Variants in CYFIP1 observed in about 807,000 individuals in gnomAD.
CYFIP1 encodes cytoplasmic FMR1-interacting protein 1.
CYFIP1 carries 58 observed loss-of-function variants against 163.5 expected under a neutral mutation model. The ratio of observed to expected loss-of-function variants is 0.35; its 90% CI spans 0.29 to 0.44. CYFIP1 has a LOEUF of 0.44. CYFIP1 is among the 20% of genes least tolerant of loss of function. The pLI is 1.00. For missense variants in CYFIP1, 1,338 were observed against 1,653.8 expected, an observed-to-expected ratio of 0.81 and a Z score of 3.31; for synonymous variants, 663 against 660.7, an observed-to-expected ratio of 1.00 and a Z score of -0.05.
At position 22,885,788 on chromosome 15, in the gene CYFIP1, T is replaced by G. The variant is rs2059911422; in HGVS notation, c.2677-2777A>C. On this transcript the variant is annotated intron_variant, in intron 23 of 30. Coordinates refer to ENST00000617928, the MANE Select transcript of CYFIP1 (RefSeq NM_014608.6). ...AACAAGTCTCTAGAGAGTTCCAAAC[T>G]TTCCCACATCTTCCCGCCTTCTTTG... Among the ~76,000 whole-genome samples, 2 of 152,108 alleles carry G rather than the reference T, an allele frequency of 1.3e-5. 1 individual carries two copies. Among genetic ancestry groups the G allele is most frequent in the Admixed American group, 1.3e-4 (2 of 15,246 alleles).
At chr15:22,916,392 G>T in intron 16 of CYFIP1, 85 bp downstream of exon 16, 2 of 1,006,266 alleles carry the variant, frequency 2.0e-6, no homozygotes, top group Non-Finnish European at 3.0e-6. Flanking sequence ...GGGGTAGGGG[G>T]TGGTCAGGCG....
intron 8 of CYFIP1, among the ~76,000 whole-genome samples, chr15:22,937,692 A>G (rs530510514): frequency 6.8e-6 from 1 of 147,564 alleles, no homozygotes; most frequent in Non-Finnish European, 1.5e-5. Flanking sequence ...TCTGCCTCCC[A>G]GGTTCAAGCG....
rs1444660193 is a variant in CYFIP1, at chr15:22,927,041, A to C, written c.1233+865T>G. 9.9e-5 allele frequency among the ~76,000 whole-genome samples: 15 copies of C among 151,540 alleles called. No individual in the cohort carries two copies. The Admixed American group carries it at 1.0e-3, about 10-fold the overall frequency. ...TTTAAAGCAAAATAAAATTTAAATG[A>C]AAAAATGAGACTTGGCCAGGTACAG... On this transcript the variant is annotated intron_variant, in intron 12 of 30. Transcript: ENST00000617928.
At chr15:22,915,552 C>G (rs967618792) in intron 16 of CYFIP1, among the ~76,000 whole-genome samples, 15 of 152,068 alleles carry the variant, frequency 9.9e-5, no homozygotes. Flanking sequence ...AGTTTGAGAC[C>G]AGCCTGGCCA....
At chr15:22,883,212 A>T (rs974578352) in intron 23 of CYFIP1, among the ~76,000 whole-genome samples, 1 of 152,118 alleles carries the variant, frequency 6.6e-6, no homozygotes, top group African/African-American at 2.4e-5. Context: ...TAAAATAGAA[A>T]AGAAAAGAAA....
At chr15:22,956,954 G>T (rs1347430866) in intron 1 of CYFIP1, among the ~76,000 whole-genome samples, 2 of 152,218 alleles carry the variant, frequency 1.3e-5, no homozygotes. Flanking sequence ...CTTTTCACAG[G>T]GACCGAACAG....
chr15:22,924,279 C>T (rs147672163), intron 13 of CYFIP1, among the ~76,000 whole-genome samples: 7,702 of 152,084 alleles, frequency 0.051, 253 homozygotes, highest in East Asian at 0.09. Flanking sequence ...CAAAAATTAG[C>T]CGGGCGTGGT....
Position 22,924,124 on chromosome 15 carries a change from T to C in CYFIP1, c.1359+1858A>G, listed in dbSNP as rs750377107. Among the ~76,000 whole-genome samples, 14 of 152,236 alleles carry C rather than the reference T, an allele frequency of 9.2e-5. 1 individual carries two copies. In the South Asian group the frequency reaches 2.7e-3, roughly 29 times the overall value. ...CAAAACAGTGATACCTGTGTGAATC[T>C]TGAAAATTATGCTAAGTGGCCTGGC... On this transcript the variant is annotated intron_variant, in intron 13 of 30. Coordinates refer to ENST00000617928, the MANE Select transcript of CYFIP1 (RefSeq NM_014608.6).
chr15:22,967,548 A>G, intron 1 of CYFIP1, among the ~76,000 whole-genome samples: 1 of 152,130 alleles, frequency 6.6e-6, no homozygotes, highest in Non-Finnish European at 1.5e-5. Context: ...ACACACTTCC[A>G]GGGCCCGGCC....
intron 23 of CYFIP1, among the ~76,000 whole-genome samples, chr15:22,885,488 G>A (rs781296219): frequency 4.5e-4 from 68 of 152,262 alleles, no homozygotes; most frequent in African/African-American, 1.2e-3. Context: ...ATCCTAGCAC[G>A]TTGGGAGGCC....
At chr15:22,966,747 C>T (rs1379451135) in intron 1 of CYFIP1, among the ~76,000 whole-genome samples, 3 of 152,002 alleles carry the variant, frequency 2.0e-5, no homozygotes, top group Non-Finnish European at 4.4e-5. Context: ...CCCACCGAGA[C>T]CCTCGCTCCA....
At chr15:22,877,880 C>T (rs370559348) in intron 26 of CYFIP1, among the ~76,000 whole-genome samples, 6 of 152,252 alleles carry the variant, frequency 3.9e-5, no homozygotes, top group African/African-American at 9.6e-5. Flanking sequence ...AGGCGTGTCA[C>T]GCCTGACCTC....
rs779414925 is a variant in CYFIP1 at position 22,962,443 on chromosome 15, C to T, written c.-6-15152G>A. 2.7e-5 allele frequency among the ~76,000 whole-genome samples: 4 copies of T among 150,072 alleles called. No individual in the cohort carries two copies. In the East Asian group the frequency reaches 5.8e-4, roughly 22 times the overall value. On this transcript the variant is annotated intron_variant, in intron 1 of 30. Transcript: ENST00000617928. ...GACGGAGTTTTGCTCTTGTTGCCCA[C>T]GCTGGAATACAATGGTACAATCTCA...
intron 25 of CYFIP1, among the ~76,000 whole-genome samples, chr15:22,880,534 C>A (rs577833170): frequency 5.3e-5 from 8 of 152,276 alleles, no homozygotes; most frequent in African/African-American, 1.9e-4. Flanking sequence ...AACGGCATCC[C>A]GGACAGCGGA....
intron 23 of CYFIP1, among the ~76,000 whole-genome samples, chr15:22,889,520 T>G (rs771783412): frequency 5.7e-4 from 86 of 152,162 alleles, no homozygotes; most frequent in Non-Finnish European, 1.0e-3. Flanking sequence ...AGCAAAGATG[T>G]CACCACAGTG....
intron 22 of CYFIP1, among the ~76,000 whole-genome samples, chr15:22,897,678 T>G (rs1015853789): frequency 6.6e-6 from 1 of 152,176 alleles, no homozygotes; most frequent in African/African-American, 2.4e-5. Flanking sequence ...GAGGTGGAGT[T>G]TCACCATGTT....
At position 22,905,761 on chromosome 15, in the gene CYFIP1, T is replaced by G. The variant is rs183553550; in HGVS notation, c.2389-1856A>C. On this transcript the variant is annotated intron_variant, in intron 21 of 30. Transcript: ENST00000617928. ...AGCCTTCATTCTTATTTCTGTTTTT[T>G]TTTTTGTTTTTGTTTTGAGACGGAG... 4.3e-3 allele frequency among the ~76,000 whole-genome samples: 655 copies of G among 151,650 alleles called. 4 individuals carry two copies. Among genetic ancestry groups the G allele is most frequent in the African/African-American group, 0.015 (619 of 41,388 alleles).
At chr15:22,879,832 C>A (rs2059698816) in intron 26 of CYFIP1, 81 bp downstream of exon 26, 1 of 1,148,128 alleles carries the variant, frequency 8.7e-7, no homozygotes, top group Non-Finnish European at 1.2e-6. Flanking sequence ...AAAGAACCCG[C>A]CAAAGAAAGC....
intron 1 of CYFIP1, among the ~76,000 whole-genome samples, chr15:22,958,555 A>G (rs938847123): frequency 1.3e-5 from 2 of 152,210 alleles, no homozygotes; most frequent in African/African-American, 4.8e-5. Context: ...TCTCCACGCC[A>G]CATGGCCTCC....
Sources: allele counts gnomAD v4.1 joint callset (sites outside exome capture counted in the v4.1 genomes callset), GRCh38; gene constraint gnomAD v4.1.1; transcripts MANE v1.5; gene names NCBI Gene and HGNC (gene_info 2026-07-23, HGNC 2026-07-21).